Variants in AGAP2 observed in about 807,000 individuals in gnomAD.
The protein encoded by AGAP2 is arf-GAP with GTPase, ANK repeat and PH domain-containing protein 2.
In AGAP2, 32 loss-of-function variants were observed where a neutral mutation model predicts 110.9. The observed-to-expected ratio is 0.29, with a 90% CI of 0.22 to 0.39. The LOEUF (loss-of-function observed/expected upper bound fraction) is 0.39, where lower values mean the gene tolerates loss of function less well. Ranked by LOEUF, AGAP2 falls within the 10% of genes least tolerant of loss-of-function variation. The pLI is 1.00. For synonymous variants in AGAP2, 702 were observed against 713.0 expected (o/e 0.98, Z 0.25); for missense variants, 1,285 against 1,638.5 (o/e 0.78, Z 3.72).
chr12:57,735,527 C>CA (rs1179843244), intron 1 of AGAP2, 100 bp from the exon 2 acceptor site: 9 of 1,124,398 alleles, frequency 8.0e-6, no homozygotes, highest in African/African-American at 4.6e-5. Context: ...CAACCCCCCC[C>CA]CAACCCTGCC....
At chr12:57,733,759 G>T (rs940906681) in intron 5 of AGAP2, among the ~76,000 whole-genome samples, 1 of 152,204 alleles carries the variant, frequency 6.6e-6, no homozygotes, top group East Asian at 1.9e-4. Flanking sequence ...CAGAACACAA[G>T]GTAGGTGACA....
Position 57,734,661 on chromosome 12 carries a change from T to A in AGAP2, c.1246A>T (p.Arg416Trp), listed in dbSNP as rs151056452. ...ELRLGVLGDA[R>W]SGKSSLIHRF... ...TGGATGAGCGATGACTTCCCACTCC[T>A]GGCATCGCCCAGCACACCCTGAGGG... The change falls in exon 3 of 19, where the codon AGG (arginine) becomes TGG (tryptophan). Residue 416 changes from arginine (R) to tryptophan (W), a missense_variant. This residue lies in a region of AGAP2 where 844 missense variants were observed against 941.2 expected (regional missense o/e 0.90). Coordinates refer to ENST00000547588, the MANE Select transcript of AGAP2 (RefSeq NM_001122772.3). 1 of 1,613,974 alleles carries A rather than the reference T, an allele frequency of 6.2e-7. No homozygotes were observed. The highest frequency in any genetic ancestry group is 8.5e-7 in the Non-Finnish European group (1 of 1,180,024).
At chr12:57,728,981 C>T (rs1470640413) in intron 13 of AGAP2, among the ~76,000 whole-genome samples, 8 of 151,948 alleles carry the variant, frequency 5.3e-5, no homozygotes, top group African/African-American at 1.9e-4. Context: ...CAAGACCATC[C>T]TGGCTAACAC....
At position 57,737,725 on chromosome 12, in the gene AGAP2, G is replaced by A; in HGVS notation, c.522C>T (p.Gly174=). ...PGSSSPHPGT[G]SRRLKVAPPP... is the part of the protein sequence containing the mutation. ...GAGGCGCCACCTTGAGCCTCCGGCT[G>A]CCGGTGCCAGGGTGCGGAGAGGATG... The change falls in exon 1 of 19, where the codon GGC becomes GGT. Residue 174 remains glycine (G), a synonymous_variant. Transcript: ENST00000547588. This position sits in a 1 kb window ranked among gnomAD's most constrained non-coding sequence, Gnocchi z 5.9. 1.9e-6 allele frequency: 3 copies of A among 1,546,148 alleles called. No homozygotes were observed. The highest frequency in any genetic ancestry group is 2.6e-6 in the Non-Finnish European group (3 of 1,149,908).
upstream of AGAP2, chr12:57,741,991 G>A (rs758916330): frequency 1.1e-5 from 17 of 1,614,172 alleles, no homozygotes; most frequent in Non-Finnish European, 1.4e-5. Context: ...TCCTGAGGCG[G>A]TTTAGAGCCT....
At chr12:57,728,236 C>A in intron 14 of AGAP2, 82 bp downstream of exon 14, 1 of 1,550,658 alleles carries the variant, frequency 6.4e-7, no homozygotes, top group South Asian at 1.2e-5. Context: ...GCAGGAAGCC[C>A]GAGCACATGC....
In AGAP2 at chr12:57,727,045, G is replaced by A. The variant is rs1860260583; in HGVS notation, c.3265C>T (p.Pro1089Ser). The stretch of plus-strand genomic sequence containing the variant: ...AGGTGGAGTGGGGAGCGCAGCTGTG[G>A]GTCCTCTACGCTGGTGTCGAGCGGC... ...HGPLDTSVED[P>S]QLRSPLHLAA... Residue 1089 changes from proline to serine, a missense_variant, in exon 18 of 19, where the codon CCA becomes TCA. Physicochemically the swap from Pro to Ser is moderately conservative, Grantham distance 74. Transcript: ENST00000547588. 2 of 1,607,650 alleles carry A rather than the reference G, an allele frequency of 1.2e-6. No individual in the cohort carries two copies. The highest frequency in any genetic ancestry group is 1.7e-6 in the Non-Finnish European group (2 of 1,177,888).
chr12:57,732,368 C>T, intron 7 of AGAP2, 35 bp downstream of exon 7: 2 of 1,541,788 alleles, frequency 1.3e-6, no homozygotes, highest in Non-Finnish European at 1.8e-6. Flanking sequence ...CTGCATCTTA[C>T]CGGCCCCTCT....
chr12:57,740,429 C>T (rs968824182), upstream of AGAP2, among the ~76,000 whole-genome samples: 14 of 152,142 alleles, frequency 9.2e-5, no homozygotes, highest in African/African-American at 3.4e-4. Flanking sequence ...AACTTCCCTC[C>T]TTTGATGGCC....
In AGAP2 at chr12:57,737,841, C is replaced by T. The variant is rs914474830; in HGVS notation, c.406G>A (p.Ala136Thr). Residue 136 changes from alanine (A) to threonine (T), a missense_variant, in exon 1 of 19, where the codon GCC (alanine) becomes ACC (threonine). By Grantham distance (58) the Ala-to-Thr change is moderately conservative. Coordinates refer to ENST00000547588, the MANE Select transcript of AGAP2 (RefSeq NM_001122772.3). This position sits in a 1 kb window ranked among gnomAD's most constrained non-coding sequence, Gnocchi z 5.9. ...GLSPDPKPGG[A>T]PTSSRRPLLS... is the part of the protein sequence containing the mutation. ...AGGGGGCGCCGGGAGGAGGTGGGGG[C>T]GCCCCCAGGCTTGGGGTCGGGGCTC... The T allele has an allele frequency of 6.8e-7, 1 of 1,470,446 alleles. No homozygotes were observed. The highest frequency in any genetic ancestry group is 8.9e-7 in the Non-Finnish European group (1 of 1,123,450). The allele number at this position is 1,470,446 out of a possible 1,614,324, so 91.1% of individuals were successfully genotyped here. A position where few individuals can be genotyped will look rare whatever the true frequency, so the allele number is the denominator to read the frequency against.
chr12:57,730,648 T>C, intron 11 of AGAP2, 34 bp from the exon 12 acceptor site: 2 of 1,608,590 alleles, frequency 1.2e-6, no homozygotes, highest in Admixed American at 1.7e-5. Flanking sequence ...AGTGAGCCTC[T>C]TTCTTCTGGC....
chr12:57,730,037 C>A (rs1007863940), intron 12 of AGAP2, among the ~76,000 whole-genome samples: 1 of 152,156 alleles, frequency 6.6e-6, no homozygotes, highest in Admixed American at 6.5e-5. Context: ...GTTTCTTTAT[C>A]TCTGAAATAG....
chr12:57,738,254 G>A lies in AGAP2; in HGVS notation c.-8C>T. The stretch of plus-strand genomic sequence containing the variant: ...GCCCGCGCCCCGGCTCATGGGGCCC[G>A]GAGACCCCCGAGCTGGGGAGGGGAG... On this transcript the variant is annotated 5_prime_UTR_variant, in exon 1 of 19. Coordinates refer to ENST00000547588, the MANE Select transcript of AGAP2 (RefSeq NM_001122772.3). This position sits in a 1 kb window ranked among gnomAD's most constrained non-coding sequence, Gnocchi z 6.7. 6.6e-7 allele frequency: 1 copy of A among 1,507,252 alleles called. No homozygotes were observed. Among genetic ancestry groups the A allele is most frequent in the South Asian group, 1.2e-5 (1 of 82,408 alleles). The allele number at this position is 1,507,252 out of a possible 1,614,324, so 93.4% of individuals were successfully genotyped here.
upstream of AGAP2, among the ~76,000 whole-genome samples, chr12:57,740,165 C>T (rs892166031): frequency 1.3e-5 from 2 of 149,926 alleles, no homozygotes; most frequent in African/African-American, 4.9e-5. Context: ...CTGCCGTGGG[C>T]GGCTCTTGGA....
chr12:57,729,751 T>A lies in AGAP2; in HGVS notation c.2445A>T (p.Gly815=), dbSNP rs768209799. The change falls in exon 13 of 19, where the codon GGA becomes GGT. Residue 815 remains glycine, a synonymous_variant. Transcript: ENST00000547588. ...GTTCCCGACTCAGGGGGCTCAGGTC[T>A]CCAGATGGGGTACAGTCTTAGGGAG... ...RALSTDCTPS[G]DLSPLSREPP... is the part of the protein sequence containing the mutation. The A allele has an allele frequency of 6.2e-7, 1 of 1,612,984 alleles. No homozygotes were observed. Among genetic ancestry groups the A allele is most frequent in the African/African-American group, 1.3e-5 (1 of 74,876 alleles).
chr12:57,734,247 G>A (rs187638484), intron 4 of AGAP2, 72 bp downstream of exon 4: 1 of 1,611,996 alleles, frequency 6.2e-7, no homozygotes, highest in East Asian at 2.2e-5. Flanking sequence ...ATGAAGACCT[G>A]GGAAACCAGA....
intron 12 of AGAP2, 31 bp from the exon 13 acceptor site, chr12:57,729,798 G>A (rs762825645): frequency 1.3e-6 from 2 of 1,574,976 alleles, no homozygotes; most frequent in Non-Finnish European, 8.6e-7. Flanking sequence ...TGCCTCAGTA[G>A]CCCCCTCCAC....
At chr12:57,735,271 G>T in intron 2 of AGAP2, 98 bp downstream of exon 2, 1 of 509,664 alleles carries the variant, frequency 2.0e-6, no homozygotes, top group South Asian at 4.1e-5. Flanking sequence ...TATTCCCAAA[G>T]AGAGAGAGAG....
chr12:57,734,302 A>G lies in AGAP2; in HGVS notation c.1401+17T>C, dbSNP rs1565795653. 1.9e-6 allele frequency: 3 copies of G among 1,613,942 alleles called. No individual in the cohort carries two copies. Among genetic ancestry groups the G allele is most frequent in the Non-Finnish European group, 2.5e-6 (3 of 1,179,898 alleles). ...GCTGACCCCAGCCAGCCTGTCCCCCACCACCTCCACCCTCACCTTGGCATC... is the reference window on the plus strand; with the variant it reads ...GCTGACCCCAGCCAGCCTGTCCCCCGCCACCTCCACCCTCACCTTGGCATC... On this transcript the variant is annotated intron_variant, in intron 4 of 18. Transcript: ENST00000547588.
Sources: allele counts gnomAD v4.1 joint callset (sites outside exome capture counted in the v4.1 genomes callset), GRCh38; gene constraint gnomAD v4.1.1; regional missense constraint gnomAD v4.1.1; non-coding constraint Gnocchi (gnomAD v3.1); transcripts MANE v1.5; gene names NCBI Gene and HGNC (gene_info 2026-07-23, HGNC 2026-07-21).